Variants in PKD1 observed in about 807,000 individuals in gnomAD.
PKD1 encodes polycystin 1, transient receptor potential channel interacting.
A neutral mutation model predicts 361.7 loss-of-function variants in PKD1; 81 were observed. The ratio of observed to expected loss-of-function variants is 0.22; its 90% CI spans 0.19 to 0.27. The LOEUF (loss-of-function observed/expected upper bound fraction) is 0.27. Among genes scored for constraint, PKD1 ranks in the 10% least tolerant of loss-of-function variants. PKD1 has a pLI of 1.00. For missense variants in PKD1, 6,399 were observed against 6,118.3 expected, an observed-to-expected ratio of 1.05 and a Z score of -1.53; for synonymous variants, 3,615 against 2,818.3, an observed-to-expected ratio of 1.28 and a Z score of -8.95.
Position 2,105,903 on chromosome 16 carries a change from T to C in PKD1, c.7825A>G (p.Ile2609Val), listed in dbSNP as rs767709756. The C allele has an allele frequency of 2.1e-5, 34 of 1,596,484 alleles. No individual in the cohort carries two copies. In the East Asian group the frequency reaches 7.4e-4, roughly 35 times the overall value. Residue 2609 changes from isoleucine (I) to valine (V), a missense_variant, in exon 20 of 46, where the codon ATC becomes GTC. Coordinates refer to ENST00000262304, the MANE Select transcript of PKD1 (RefSeq NM_001009944.3). ...LLRQADPQHV[I>V]EYSLALVTVL... ...GTGACCAGGGCCAACGAGTACTCGATGACGTGCTGGGGATCGGCCTGCCGC... is the reference window on the plus strand; with the variant it reads ...GTGACCAGGGCCAACGAGTACTCGACGACGTGCTGGGGATCGGCCTGCCGC...
intron 1 of PKD1, 112 bp from the exon 2 acceptor site, chr16:2,119,490 G>C: frequency 2.8e-6 from 2 of 704,972 alleles, no homozygotes; most frequent in Admixed American, 4.0e-5. Context: ...TCCCACCCTT[G>C]AGCTCCCCAC....
intron 1 of PKD1, among the ~76,000 whole-genome samples, chr16:2,126,346 C>T (rs1227715256): frequency 1.3e-5 from 2 of 152,284 alleles, no homozygotes; most frequent in African/African-American, 2.4e-5. Flanking sequence ...CAGAAGCCAG[C>T]CTGTCTTCAG....
intron 8 of PKD1, 22 bp from the exon 9 acceptor site, chr16:2,116,140 C>G: frequency 6.4e-7 from 1 of 1,556,712 alleles, no homozygotes; most frequent in East Asian, 2.3e-5. Context: ...GGGGCCGCCT[C>G]AGCTCCACAG....
At chr16:2,094,791 T>C (rs1296393312) in intron 34 of PKD1, 2 of 156,142 alleles carry the variant, frequency 1.3e-5, no homozygotes, top group African/African-American at 4.8e-5. Context: ...CCAGAGCTGC[T>C]AGAGAAGAGG....
At chr16:2,112,025 A>C (rs1184583199) in intron 14 of PKD1, among the ~76,000 whole-genome samples, 154 bp from the exon 15 acceptor site, 4 of 152,212 alleles carry the variant, frequency 2.6e-5, no homozygotes, top group Non-Finnish European at 2.9e-5. Flanking sequence ...TGCGGGACGG[A>C]GCACAGGTGT....
chr16:2,108,664 T>G lies in PKD1; in HGVS notation c.6503A>C (p.Tyr2168Ser). The G allele has an allele frequency of 6.4e-7, 1 of 1,565,218 alleles. No homozygotes were observed. Among genetic ancestry groups the G allele is most frequent in the Non-Finnish European group, 8.7e-7 (1 of 1,155,902 alleles). ...GCGCAGGTCAACGTGGGCCTCCAAGTAGTTGCGCTGTGATCGCCGCATCAG... is the reference window on the plus strand; with the variant it reads ...GCGCAGGTCAACGTGGGCCTCCAAGGAGTTGCGCTGTGATCGCCGCATCAG... Reference protein sequence around the residue: ...QVLMRRSQRNYLEAHVDLRDC... With the variant: ...QVLMRRSQRNSLEAHVDLRDC... The change falls in exon 15 of 46, where the codon TAC (tyrosine) becomes TCC (serine). Residue 2168 changes from tyrosine (Y) to serine (S), a missense_variant. Tyr to Ser is a moderately radical substitution (Grantham distance 144, BLOSUM62 -2). Coordinates refer to ENST00000262304, the MANE Select transcript of PKD1 (RefSeq NM_001009944.3).
chr16:2,099,403 A>G (rs559413439), intron 30 of PKD1: 342 of 583,690 alleles, frequency 5.9e-4, no homozygotes, highest in Admixed American at 6.2e-4. Flanking sequence ...GCTGCTGTGC[A>G]GTCGTCCGTG....
chr16:2,100,738 A>G lies in PKD1; in HGVS notation c.9398-172T>C. On this transcript the variant is annotated intron_variant, in intron 26 of 45. Transcript: ENST00000262304. The surrounding 1 kb of genome is among the most constrained non-coding windows in gnomAD (Gnocchi z 4.4). ...AGCTGCGGTTACTGCAATTTGTCCAATTAACAGCAGGACCTCAAGGACATG... is the reference window on the plus strand; with the variant it reads ...AGCTGCGGTTACTGCAATTTGTCCAGTTAACAGCAGGACCTCAAGGACATG... The G allele has an allele frequency of 6.5e-6, 4 of 616,262 alleles. No homozygotes were observed. The South Asian group carries it at 7.7e-5, about 12-fold the overall frequency. 38.2% of individuals were successfully genotyped at this position (616,262 alleles called of 1,614,324 possible). A position where few individuals can be genotyped will look rare whatever the true frequency, so the allele number is the denominator to read the frequency against.
Position 2,103,258 on chromosome 16 carries a change from G to A in PKD1, c.8791+8C>T, listed in dbSNP as rs1170113725. ...GGGGGCCGCGTGTGCCCCACCCGCT[G>A]CACGCACCGTCCAGCAGCGTATAGT... is the stretch of plus-strand genomic sequence containing the variant. On this transcript the variant is annotated splice_region_variant and intron_variant, in intron 23 of 45. Coordinates refer to ENST00000262304, the MANE Select transcript of PKD1 (RefSeq NM_001009944.3). 7 of 1,609,446 alleles carry A rather than the reference G, an allele frequency of 4.3e-6. No homozygotes were observed. Among genetic ancestry groups the A allele is most frequent in the South Asian group, 1.1e-5 (1 of 90,952 alleles).
intron 1 of PKD1, among the ~76,000 whole-genome samples, chr16:2,133,949 C>T (rs1485583902): frequency 6.6e-6 from 1 of 150,962 alleles, no homozygotes; most frequent in African/African-American, 2.5e-5. Flanking sequence ...CAGCCACCAG[C>T]GCCCTTCTCT....
chr16:2,113,574 C>G (rs985950988), intron 11 of PKD1, among the ~76,000 whole-genome samples: 1 of 152,252 alleles, frequency 6.6e-6, no homozygotes, highest in African/African-American at 2.4e-5. Flanking sequence ...GTCCACCTCT[C>G]TCTGAGTCTT....
In PKD1 at chr16:2,090,699, A is replaced by G; in HGVS notation, c.12113T>C (p.Val4038Ala). 1 of 1,612,360 alleles carries G rather than the reference A, an allele frequency of 6.2e-7. No homozygotes were observed. Among genetic ancestry groups the G allele is most frequent in the Non-Finnish European group, 8.5e-7 (1 of 1,179,930 alleles). Residue 4038 changes from valine to alanine, a missense_variant, in exon 44 of 46, where the codon GTA becomes GCA. Val to Ala is a moderately conservative substitution (Grantham distance 64, BLOSUM62 0). Coordinates refer to ENST00000262304, the MANE Select transcript of PKD1 (RefSeq NM_001009944.3). The stretch of plus-strand genomic sequence containing the variant: ...CAGGATGGCCAGCTGGGCGTAGGCT[A>G]CCCCGAGCACCACCAGGCCCAAGGT... ...GVTLGLVVLGVAYAQLAILLV... is the reference protein window; with the variant it reads ...GVTLGLVVLGAAYAQLAILLV...
intron 1 of PKD1, among the ~76,000 whole-genome samples, chr16:2,125,574 C>G (rs1357797113): frequency 6.6e-6 from 1 of 152,122 alleles, no homozygotes; most frequent in Non-Finnish European, 1.5e-5. Context: ...GGAGGCTGAA[C>G]GAGGGAGATG....
intron 33 of PKD1, 35 bp downstream of exon 33, chr16:2,097,284 G>T (rs745951033): frequency 6.2e-7 from 1 of 1,609,688 alleles, no homozygotes; most frequent in East Asian, 2.2e-5. Flanking sequence ...CTGCAAGGGT[G>T]AGCTTCAGAG....
intron 26 of PKD1, among the ~76,000 whole-genome samples, chr16:2,101,030 G>A (rs1276678787): frequency 1.3e-5 from 2 of 151,690 alleles, no homozygotes; most frequent in Non-Finnish European, 2.9e-5. Flanking sequence ...GTGTCACCCA[G>A]GCTGGAGTGC....
At chr16:2,094,465 G>A (rs1254676997) in intron 34 of PKD1, among the ~76,000 whole-genome samples, 2 of 152,120 alleles carry the variant, frequency 1.3e-5, no homozygotes, top group South Asian at 2.1e-4. Flanking sequence ...TAAACCCATC[G>A]CCCACAGCCT....
Position 2,098,002 on chromosome 16 carries a change from T to G in PKD1, c.10051-18A>C, listed in dbSNP as rs1436533246. ...CCAGCCACCTGCAGGACGAGGGCAGTGGTCAGCGGGCGGCAGCTCAGACCT... is the reference window on the plus strand; with the variant it reads ...CCAGCCACCTGCAGGACGAGGGCAGGGGTCAGCGGGCGGCAGCTCAGACCT... On this transcript the variant is annotated intron_variant, in intron 30 of 45. Transcript: ENST00000262304. 2 of 1,469,174 alleles carry G rather than the reference T, an allele frequency of 1.4e-6. No individual in the cohort carries two copies. Among genetic ancestry groups the G allele is most frequent in the Non-Finnish European group, 1.9e-6 (2 of 1,057,656 alleles). The allele number at this position is 1,469,174 out of a possible 1,614,324, so 91.0% of individuals were successfully genotyped here. A position where few individuals can be genotyped will look rare whatever the true frequency, so the allele number is the denominator to read the frequency against.
In PKD1 at chr16:2,091,449, C is replaced by T; in HGVS notation, c.11686G>A (p.Gly3896Ser). 4 of 1,222,134 alleles carry T rather than the reference C, an allele frequency of 3.3e-6. No homozygotes were observed. Among genetic ancestry groups the T allele is most frequent in the Non-Finnish European group, 4.1e-6 (4 of 978,688 alleles). 75.7% of individuals were successfully genotyped at this position (1,222,134 alleles called of 1,614,324 possible). ...GAGGTGAGCAGAGGCAGCGAGAGGC[C>T]CGCGCTGAGGCGGCGCAGCGCAAAG... ...RPFALRRLSA[G>S]LSLPLLTSVC... The change falls in exon 42 of 46, where the codon GGC (glycine) becomes AGC (serine). Residue 3896 changes from glycine to serine, a missense_variant. Coordinates refer to ENST00000262304, the MANE Select transcript of PKD1 (RefSeq NM_001009944.3).
Position 2,103,853 on chromosome 16 carries a change from T to C in PKD1, c.8204A>G (p.Gln2735Arg), listed in dbSNP as rs141717814. Residue 2735 changes from glutamine (Q) to arginine (R), a missense_variant, in exon 23 of 46, where the codon CAG becomes CGG. Gln to Arg is a conservative substitution (Grantham distance 43). Transcript: ENST00000262304. ...TGACTCGGCTCCCAGCTCTGAGGGC[T>C]GTGGTGCCCGCACGTCCGAGCTGGC... is the stretch of plus-strand genomic sequence containing the variant. ...HLASSDVRAP[Q>R]PSELGAESPS... 5.6e-6 allele frequency: 9 copies of C among 1,602,954 alleles called. No individual in the cohort carries two copies. Among genetic ancestry groups the C allele is most frequent in the Non-Finnish European group, 7.6e-6 (9 of 1,177,778 alleles).
Sources: gnomAD v4.1 joint callset for allele counts (sites outside exome capture counted in the v4.1 genomes callset) on GRCh38, gnomAD v4.1.1 for gene constraint, Gnocchi (gnomAD v3.1) non-coding constraint, MANE v1.5 for transcripts, NCBI Gene and HGNC (gene_info 2026-07-23, HGNC 2026-07-21) for gene names.